KCNAB1: variants seen among roughly 807,000 people sequenced by gnomAD.
KCNAB1 encodes the protein potassium voltage-gated channel subfamily A regulatory beta subunit 1, also known as voltage-gated potassium channel subunit beta-1.
In KCNAB1, 35 loss-of-function variants were observed where a neutral mutation model predicts 64.6. The ratio of observed to expected loss-of-function variants is 0.54; its 90% CI spans 0.41 to 0.72. The LOEUF is 0.72. Among genes scored for constraint, KCNAB1 ranks in the 30% least tolerant of loss-of-function variants. KCNAB1 has a pLI of 0.00. For synonymous variants in KCNAB1, 177 were observed against 183.8 expected (o/e 0.96, Z 0.30); for missense variants, 401 against 512.9 (o/e 0.78, Z 2.11).
At chr3:156,428,486 T>TACACACAC (rs1491227572) in intron 2 of KCNAB1, among the ~76,000 whole-genome samples, 3 of 84,854 alleles carry the variant, frequency 3.5e-5, no homozygotes, top group African/African-American at 2.5e-4. Context: ...ATAATTCCTC[T>TACACACAC]ATACACACAC....
chr3:156,202,172 T>G (rs1189464712), intron 1 of KCNAB1, among the ~76,000 whole-genome samples: 3 of 152,172 alleles, frequency 2.0e-5, no homozygotes, highest in South Asian at 4.1e-4. Flanking sequence ...GGCTCAACAC[T>G]GGCTGGAGTT....
Position 156,176,427 on chromosome 3 carries a change from TG to T in KCNAB1, c.275+55543del, listed in dbSNP as rs1246785865. The T allele has an allele frequency of 5.5e-5, 43 of 784,366 alleles. No homozygotes were observed. In the African/African-American group the frequency reaches 6.1e-4, roughly 11 times the overall value. The allele number at this position is 784,366 out of a possible 1,614,324, so 48.6% of individuals were successfully genotyped here. A position where few individuals can be genotyped will look rare whatever the true frequency, so the allele number is the denominator to read the frequency against. ...ATCGTCACTGCTAGTGCAAACAAGGTGGCTAGATAACAGGAATTCACAAAGG... is the reference window on the plus strand; with the variant it reads ...ATCGTCACTGCTAGTGCAAACAAGGTGCTAGATAACAGGAATTCACAAAGG... On this transcript the variant is annotated intron_variant, in intron 1 of 13. Coordinates refer to ENST00000490337, the MANE Select transcript of KCNAB1 (RefSeq NM_172160.3).
intron 1 of KCNAB1, among the ~76,000 whole-genome samples, chr3:156,392,151 G>GT (rs1713089282): frequency 6.6e-6 from 1 of 151,972 alleles, no homozygotes; most frequent in South Asian, 2.1e-4. Flanking sequence ...ACCAACCACT[G>GT]TAACATCATT....
intron 1 of KCNAB1, among the ~76,000 whole-genome samples, chr3:156,284,642 G>A (rs983301291): frequency 6.6e-6 from 1 of 152,210 alleles, no homozygotes; most frequent in African/African-American, 2.4e-5. Context: ...AGGACCCTCG[G>A]AGCCAGGTGT....
intron 2 of KCNAB1, among the ~76,000 whole-genome samples, chr3:156,429,524 G>A (rs1716064165): frequency 6.6e-6 from 1 of 152,208 alleles, no homozygotes; most frequent in Non-Finnish European, 1.5e-5. Context: ...AATAAACTGT[G>A]TGGGCTTCTT....
chr3:156,415,526 T>C (rs556133098), intron 1 of KCNAB1, among the ~76,000 whole-genome samples: 2 of 151,724 alleles, frequency 1.3e-5, no homozygotes, highest in African/African-American at 4.8e-5. Context: ...TCAACAGCCA[T>C]CCCCACAAAG....
At chr3:156,227,822 T>G (rs1198406256) in intron 1 of KCNAB1, 1 of 152,268 alleles carries the variant, frequency 6.6e-6, no homozygotes, top group Non-Finnish European at 1.5e-5. Context: ...CAAACTGTGC[T>G]TAAGGAGGGA....
chr3:156,312,830 C>T (rs80115222), intron 1 of KCNAB1, among the ~76,000 whole-genome samples: 2,050 of 151,376 alleles, frequency 0.014, 54 homozygotes, highest in African/African-American at 0.048. Context: ...GTTGACTGCT[C>T]ATTTGGCCCT....
chr3:156,293,889 G>T (rs1460926862), intron 1 of KCNAB1, among the ~76,000 whole-genome samples: 1 of 152,234 alleles, frequency 6.6e-6, no homozygotes, highest in Non-Finnish European at 1.5e-5. Flanking sequence ...ATGAGCAGCT[G>T]CTTTCCTGGG....
At chr3:156,529,637 T>C (rs1718560953) in intron 12 of KCNAB1, among the ~76,000 whole-genome samples, 2 of 152,224 alleles carry the variant, frequency 1.3e-5, no homozygotes, top group Non-Finnish European at 2.9e-5. Flanking sequence ...ACAGGCCCTC[T>C]GGATGATTCT....
chr3:156,293,436 T>C (rs1720584867), intron 1 of KCNAB1, among the ~76,000 whole-genome samples: 1 of 152,244 alleles, frequency 6.6e-6, no homozygotes, highest in South Asian at 2.1e-4. Flanking sequence ...GTGTTTCTCA[T>C]GTGAGGTTGC....
intron 1 of KCNAB1, among the ~76,000 whole-genome samples, chr3:156,238,449 C>T (rs1275496799): frequency 6.7e-6 from 1 of 148,560 alleles, no homozygotes; most frequent in Non-Finnish European, 1.5e-5. Flanking sequence ...AAAAGGGTTC[C>T]CTTTTAACAA....
Position 156,507,772 on chromosome 3 carries a change from C to G in KCNAB1, c.659-6592C>G, listed in dbSNP as rs540331103. Among the ~76,000 whole-genome samples the G allele has an allele frequency of 1.4e-4, 21 of 152,172 alleles. No homozygotes were observed. The East Asian group carries it at 3.7e-3, about 27-fold the overall frequency. ...GTTAACAGCAACTCCTCTGATGAAA[C>G]CAAATTCTTGCATTATACCAGTGTT... On this transcript the variant is annotated intron_variant, in intron 8 of 13. Coordinates refer to ENST00000490337, the MANE Select transcript of KCNAB1 (RefSeq NM_172160.3).
At chr3:156,530,100 A>G (rs1051786452) in intron 12 of KCNAB1, among the ~76,000 whole-genome samples, 2 of 152,232 alleles carry the variant, frequency 1.3e-5, no homozygotes, top group Non-Finnish European at 2.9e-5. Flanking sequence ...GTATCTAAGC[A>G]GGTAAAAAGG....
chr3:156,305,688 G>T (rs897169852), intron 1 of KCNAB1, among the ~76,000 whole-genome samples: 3 of 152,180 alleles, frequency 2.0e-5, no homozygotes, highest in African/African-American at 7.2e-5. Context: ...TTCCAGAAAA[G>T]AATTTAAGGT....
chr3:156,169,895 A>G (rs1711847512), intron 1 of KCNAB1, among the ~76,000 whole-genome samples: 1 of 152,232 alleles, frequency 6.6e-6, no homozygotes, highest in Non-Finnish European at 1.5e-5. Context: ...GTAGTTCTTC[A>G]TAGCAGTGTG....
intron 2 of KCNAB1, among the ~76,000 whole-genome samples, chr3:156,441,984 T>C (rs1394461523): frequency 6.6e-6 from 1 of 152,202 alleles, no homozygotes; most frequent in African/African-American, 2.4e-5. Context: ...CTTCTGATTA[T>C]AAAAGTAATA....
intron 7 of KCNAB1, among the ~76,000 whole-genome samples, chr3:156,473,325 G>A (rs1329005273): frequency 6.6e-6 from 1 of 152,176 alleles, no homozygotes; most frequent in Non-Finnish European, 1.5e-5. Context: ...TAGCATGCTA[G>A]AGTGCAGATT....
At chr3:156,347,895 G>A (rs182572673) in intron 1 of KCNAB1, among the ~76,000 whole-genome samples, 1 of 152,216 alleles carries the variant, frequency 6.6e-6, no homozygotes, top group African/African-American at 2.4e-5. Context: ...ACCAGAAACG[G>A]GGATTAGTTA....
Sources: allele counts gnomAD v4.1 joint callset (sites outside exome capture counted in the v4.1 genomes callset), GRCh38; gene constraint gnomAD v4.1.1; transcripts MANE v1.5; gene names NCBI Gene and HGNC (gene_info 2026-07-23, HGNC 2026-07-21).